The following RDH12 variants were observed in gnomAD, a reference collection of about 807,000 sequenced individuals.
The protein encoded by RDH12 is retinol dehydrogenase 12, also known as all-trans and 9-cis retinol dehydrogenase.
Under a neutral mutation model 34.0 loss-of-function variants are expected in RDH12, and 21 were observed. That is an observed-to-expected ratio of 0.62 (90% confidence interval 0.44 to 0.89). The LOEUF (loss-of-function observed/expected upper bound fraction) is 0.89, where lower values mean the gene tolerates loss of function less well. Ranked by LOEUF, RDH12 falls within the 40% of genes least tolerant of loss-of-function variation. The pLI, the probability that RDH12 is intolerant of heterozygous loss-of-function variation, is 0.00. For synonymous variants in RDH12, 198 were observed against 169.9 expected (o/e 1.17, Z -1.29); for missense variants, 394 against 398.6 (o/e 0.99, Z 0.10).
chr14:67,704,970 T>C (rs1449964161), intron 1 of RDH12, among the ~76,000 whole-genome samples: 1 of 152,220 alleles, frequency 6.6e-6, no homozygotes. Context: ...GCACAAAGGT[T>C]GGAAGCAGGT....
At chr14:67,713,158 G>T (rs1343388808) in intron 1 of RDH12, among the ~76,000 whole-genome samples, 3 of 151,684 alleles carry the variant, frequency 2.0e-5, no homozygotes, top group Non-Finnish European at 4.4e-5. Flanking sequence ...GTTAACTTTA[G>T]CCAAGACAAA....
intron 1 of RDH12, among the ~76,000 whole-genome samples, chr14:67,713,418 AAAAAAAG>A (rs962510590): frequency 2.6e-5 from 4 of 151,374 alleles, no homozygotes; most frequent in Non-Finnish European, 4.4e-5. Flanking sequence ...AAAAAAAAAA[AAAAAAAG>A]AGGGGATGTA....
intron 8 of RDH12, 100 bp from the exon 9 acceptor site, chr14:67,733,646 G>T (rs2038314511): frequency 2.6e-6 from 2 of 779,018 alleles, no homozygotes; most frequent in African/African-American, 1.7e-5. Context: ...GGCATATATT[G>T]TATTTTATTC....
rs569370419 is a variant in RDH12 at position 67,708,862 on chromosome 14, G to A, written c.-275+6927G>A. 6.9e-5 allele frequency among the ~76,000 whole-genome samples: 10 copies of A among 145,588 alleles called. No individual in the cohort carries two copies. The East Asian group carries it at 1.8e-3, about 27-fold the overall frequency. ...AGCTGGAGTGCAGTGGTGCAATCTTGGCTCACGGCAACCTCTGCCCCTCAG... is the reference window on the plus strand; with the variant it reads ...AGCTGGAGTGCAGTGGTGCAATCTTAGCTCACGGCAACCTCTGCCCCTCAG... On this transcript the variant is annotated intron_variant, in intron 1 of 8. Coordinates refer to ENST00000551171, the MANE Select transcript of RDH12 (RefSeq NM_152443.3).
chr14:67,714,287 T>C (rs1456599649), intron 1 of RDH12, among the ~76,000 whole-genome samples: 1 of 151,910 alleles, frequency 6.6e-6, no homozygotes, highest in African/African-American at 2.4e-5. Flanking sequence ...AGGAGTGCAC[T>C]CCATGGCCAG....
intron 3 of RDH12, among the ~76,000 whole-genome samples, chr14:67,724,252 T>G (rs771001635): frequency 3.3e-5 from 5 of 152,220 alleles, no homozygotes; most frequent in Non-Finnish European, 7.3e-5. Flanking sequence ...TATTTGTGGC[T>G]TCTGGGCAAG....
intron 8 of RDH12, among the ~76,000 whole-genome samples, chr14:67,731,611 T>C (rs567127328): frequency 6.6e-6 from 1 of 152,128 alleles, no homozygotes; most frequent in East Asian, 1.9e-4. Context: ...TCATTAAATA[T>C]CATATTTTAA....
intron 1 of RDH12, among the ~76,000 whole-genome samples, chr14:67,716,023 G>A (rs2038065811): frequency 6.6e-6 from 1 of 151,892 alleles, no homozygotes; most frequent in South Asian, 2.1e-4. Flanking sequence ...GTGAAACCCC[G>A]TCTCTACTAA....
At chr14:67,708,045 A>C (rs2037968713) in intron 1 of RDH12, among the ~76,000 whole-genome samples, 1 of 152,228 alleles carries the variant, frequency 6.6e-6, no homozygotes, top group Non-Finnish European at 1.5e-5. Context: ...TTCTTACTGC[A>C]CTTACGTAAA....
chr14:67,719,318 T>C (rs113143325), intron 1 of RDH12, among the ~76,000 whole-genome samples: 2,370 of 152,310 alleles, frequency 0.016, 73 homozygotes, highest in African/African-American at 0.054. Flanking sequence ...TTTGAGGAAC[T>C]CGCAATAGAA....
intron 1 of RDH12, among the ~76,000 whole-genome samples, chr14:67,707,281 G>A (rs1390008207): frequency 6.6e-6 from 1 of 152,104 alleles, no homozygotes; most frequent in Non-Finnish European, 1.5e-5. Context: ...AAAACATTAG[G>A]CAAGACTAAA....
rs77470647 is a variant in RDH12, at chr14:67,707,907, A to G, written c.-275+5972A>G. ...CTGTGTAGATAAAGGTAAGAGGCCA[A>G]TTTTTCCAAGGGGCTATCTTGGTTC... On this transcript the variant is annotated intron_variant, in intron 1 of 8. Coordinates refer to ENST00000551171, the MANE Select transcript of RDH12 (RefSeq NM_152443.3). Among the ~76,000 whole-genome samples the G allele has an allele frequency of 4.1e-3, 631 of 152,266 alleles. 5 individuals carry two copies. The highest frequency in any genetic ancestry group is 0.014 in the African/African-American group (574 of 41,552).
intron 1 of RDH12, among the ~76,000 whole-genome samples, chr14:67,703,729 G>T (rs2140102077): frequency 6.6e-6 from 1 of 152,112 alleles, no homozygotes; most frequent in East Asian, 1.9e-4. Flanking sequence ...AGGCTGGAGT[G>T]CAGTGGCATG....
intron 1 of RDH12, among the ~76,000 whole-genome samples, chr14:67,708,794 C>CTTTT (rs377047632): frequency 7.3e-6 from 1 of 136,898 alleles, no homozygotes; most frequent in Non-Finnish European, 1.6e-5. Context: ...TTAATAATAC[C>CTTTT]TTTTTTTTTT....
At chr14:67,721,275 A>G (rs1015936639) in intron 2 of RDH12, among the ~76,000 whole-genome samples, 6 of 152,116 alleles carry the variant, frequency 3.9e-5, no homozygotes, top group African/African-American at 1.4e-4. Flanking sequence ...AGGGCAATGA[A>G]TCCCACTTAC....
chr14:67,720,237 T>C (rs769347982), intron 1 of RDH12, among the ~76,000 whole-genome samples: 3 of 152,238 alleles, frequency 2.0e-5, no homozygotes, highest in Admixed American at 1.3e-4. Context: ...TGGGTTGTTA[T>C]TCCTTTTCTT....
intron 3 of RDH12, 72 bp from the exon 4 acceptor site, chr14:67,724,401 T>G: frequency 9.5e-7 from 1 of 1,052,022 alleles, no homozygotes; most frequent in Non-Finnish European, 1.5e-6. Context: ...AGTTTTTTTT[T>G]TTTTTTTTAA....
In RDH12 at chr14:67,729,381, G is replaced by A. The variant is rs745369888; in HGVS notation, c.848+1G>A. The A allele has an allele frequency of 6.3e-7, 1 of 1,597,304 alleles. No individual in the cohort carries two copies. The highest frequency in any genetic ancestry group is 8.5e-7 in the Non-Finnish European group (1 of 1,179,710). On this transcript the variant is annotated splice_donor_variant, in intron 8 of 8. Coordinates refer to ENST00000551171, the MANE Select transcript of RDH12 (RefSeq NM_152443.3). LOFTEE classifies it high-confidence loss of function. ...AGCCCCTGAGTGGCAAGTACTTCAG[G>A]TGTGTGAAGGCAATGCGGTTCTCTC...
chr14:67,721,263 G>C (rs2038120162), intron 2 of RDH12, among the ~76,000 whole-genome samples: 1 of 152,104 alleles, frequency 6.6e-6, no homozygotes, highest in Non-Finnish European at 1.5e-5. Flanking sequence ...ACAGAGCGAG[G>C]AAGGGCAATG....
Sources: gnomAD v4.1 joint callset for allele counts (sites outside exome capture counted in the v4.1 genomes callset) on GRCh38, gnomAD v4.1.1 for gene constraint, MANE v1.5 for transcripts, NCBI Gene and HGNC (gene_info 2026-07-23, HGNC 2026-07-21) for gene names.